SLC12A1: variants seen among roughly 807,000 people sequenced by gnomAD.
The protein encoded by SLC12A1 is solute carrier family 12 member 1.
Under a neutral mutation model 130.4 loss-of-function variants are expected in SLC12A1, and 89 were observed. That is an observed-to-expected ratio of 0.68 (90% CI 0.58 to 0.81). The LOEUF (loss-of-function observed/expected upper bound fraction) is 0.81. Ranked by LOEUF, SLC12A1 falls within the 40% of genes least tolerant of loss-of-function variation. The probability of loss-of-function intolerance (pLI) is 0.00; values close to 1 mark genes in which losing one functional copy is unlikely to be tolerated. For missense variants in SLC12A1, 1,310 were observed against 1,336.4 expected (o/e 0.98, Z 0.31); for synonymous variants, 499 against 460.0 (o/e 1.08, Z -1.09).
rs779945664 is a variant in SLC12A1 at position 48,269,690 on chromosome 15, T to C, written c.2328T>C (p.Thr776=). The change falls in exon 19 of 27, where the codon ACT becomes ACC. Residue 776 remains threonine, a synonymous_variant. Transcript: ENST00000380993. ...GCTTAGGAAGAATGAAACCAAACACTCTGGTGATTGGATATAAGAAAAACT... is the reference window on the plus strand; with the variant it reads ...GCTTAGGAAGAATGAAACCAAACACCCTGGTGATTGGATATAAGAAAAACT... ...ASGLGRMKPN[T]LVIGYKKNWR... The C allele has an allele frequency of 6.8e-6, 11 of 1,611,574 alleles. No individual in the cohort carries two copies. The South Asian group carries it at 1.2e-4, about 18-fold the overall frequency.
At chr15:48,295,212 A>G (rs1242288496) in intron 24 of SLC12A1, among the ~76,000 whole-genome samples, 2 of 151,732 alleles carry the variant, frequency 1.3e-5, no homozygotes, top group African/African-American at 4.8e-5. Flanking sequence ...ACCTGGCCTC[A>G]CCCACTTCTT....
intron 20 of SLC12A1, among the ~76,000 whole-genome samples, chr15:48,279,069 A>G (rs1328426147): frequency 6.6e-6 from 1 of 152,236 alleles, no homozygotes; most frequent in Non-Finnish European, 1.5e-5. Context: ...CCAACTATCT[A>G]GGGTAAACAA....
chr15:48,267,623 T>G lies in SLC12A1; in HGVS notation c.2217T>G (p.Leu739=), dbSNP rs2041846548. 1 of 1,613,488 alleles carries G rather than the reference T, an allele frequency of 6.2e-7. No individual in the cohort carries two copies. Among genetic ancestry groups the G allele is most frequent in the African/African-American group, 1.3e-5 (1 of 74,874 alleles). The change falls in exon 18 of 27, where the codon CTT becomes CTG. Residue 739 remains leucine, a synonymous_variant. Transcript: ENST00000380993. The part of the protein sequence containing the change: ...NSGMAKKQAW[L]IKNKIKAFYA... ...GCATGGCGAAAAAACAGGCCTGGCT[T>G]ATAAAGAACAAAATCAAGGCTTTTT...
At chr15:48,261,696 G>T (rs945104306) in intron 17 of SLC12A1, among the ~76,000 whole-genome samples, 2 of 152,186 alleles carry the variant, frequency 1.3e-5, no homozygotes, top group Non-Finnish European at 2.9e-5. Context: ...AAAGGACAAT[G>T]GTTGATGGTT....
intron 2 of SLC12A1, among the ~76,000 whole-genome samples, chr15:48,214,716 G>T (rs2041098285): frequency 6.6e-6 from 1 of 152,088 alleles, no homozygotes; most frequent in African/African-American, 2.4e-5. Flanking sequence ...GGAATCATCT[G>T]GTTCTTACTG....
intron 19 of SLC12A1, among the ~76,000 whole-genome samples, chr15:48,271,055 C>A (rs2041893488): frequency 6.6e-6 from 1 of 151,132 alleles, no homozygotes; most frequent in Admixed American, 6.6e-5. Context: ...GAAACCCCGT[C>A]TCTACTAAAA....
chr15:48,270,988 C>T (rs1279312309), intron 19 of SLC12A1, among the ~76,000 whole-genome samples: 1 of 150,698 alleles, frequency 6.6e-6, no homozygotes, highest in Non-Finnish European at 1.5e-5. Context: ...TTTTGGGAGG[C>T]CGAGGCGGGT....
intron 20 of SLC12A1, among the ~76,000 whole-genome samples, chr15:48,278,862 A>C (rs2041983218): frequency 6.6e-6 from 1 of 152,198 alleles, no homozygotes; most frequent in Non-Finnish European, 1.5e-5. Context: ...AAGATGCACC[A>C]TCAATTTACT....
chr15:48,269,051 G>A (rs981474474), intron 18 of SLC12A1, among the ~76,000 whole-genome samples: 1 of 152,160 alleles, frequency 6.6e-6, no homozygotes, highest in African/African-American at 2.4e-5. Flanking sequence ...CAATTCATAG[G>A]TGCTTAGTAA....
intron 16 of SLC12A1, 70 bp from the exon 17 acceptor site, chr15:48,259,130 C>G: frequency 1.0e-6 from 1 of 995,294 alleles, no homozygotes; most frequent in Non-Finnish European, 1.6e-6. Flanking sequence ...ACCTGTCATC[C>G]CACTGGAATG....
intron 6 of SLC12A1, among the ~76,000 whole-genome samples, chr15:48,230,100 A>G (rs991069420): frequency 1.3e-5 from 2 of 152,202 alleles, no homozygotes; most frequent in African/African-American, 2.4e-5. Flanking sequence ...TTCTTCTGAA[A>G]TAAAACACAA....
At chr15:48,252,679 G>A (rs1196981091) in intron 15 of SLC12A1, among the ~76,000 whole-genome samples, 1 of 151,694 alleles carries the variant, frequency 6.6e-6, no homozygotes, top group African/African-American at 2.4e-5. Flanking sequence ...TTTTTTAAAT[G>A]AATAAATAAA....
intron 21 of SLC12A1, among the ~76,000 whole-genome samples, chr15:48,286,890 T>G (rs1168963622): frequency 6.6e-6 from 1 of 152,176 alleles, no homozygotes; most frequent in Non-Finnish European, 1.5e-5. Flanking sequence ...CTTTGACTTG[T>G]CTGTAAGTGA....
chr15:48,221,291 A>T, intron 4 of SLC12A1: 1 of 700,172 alleles, frequency 1.4e-6, no homozygotes, highest in South Asian at 1.5e-5. Context: ...TTAGATAATA[A>T]TATTTGTATT....
intron 21 of SLC12A1, 121 bp downstream of exon 21, chr15:48,285,370 A>T (rs2078512196): frequency 2.3e-6 from 2 of 884,628 alleles, no homozygotes; most frequent in Non-Finnish European, 3.5e-6. Context: ...AGGAACTGAA[A>T]GGTTTCTCTC....
intron 2 of SLC12A1, among the ~76,000 whole-genome samples, chr15:48,216,670 T>G (rs1237093395): frequency 6.6e-6 from 1 of 152,194 alleles, no homozygotes; most frequent in Non-Finnish European, 1.5e-5. Flanking sequence ...CAATTTTTTT[T>G]AAAGTTTTTC....
At chr15:48,258,390 T>G (rs1331563268) in intron 16 of SLC12A1, among the ~76,000 whole-genome samples, 667 of 108,238 alleles carry the variant, frequency 6.2e-3, no homozygotes, top group Middle Eastern at 0.012. Context: ...AAAAAAAGAG[T>G]GACCTTTACT....
At chr15:48,221,181 A>G (rs1296794186) in intron 4 of SLC12A1, among the ~76,000 whole-genome samples, 185 bp downstream of exon 4, 1 of 152,246 alleles carries the variant, frequency 6.6e-6, no homozygotes, top group East Asian at 1.9e-4. Context: ...AACTCCTATG[A>G]AACTGGAATT....
intron 24 of SLC12A1, among the ~76,000 whole-genome samples, chr15:48,295,949 T>C (rs923973014): frequency 6.6e-6 from 1 of 152,218 alleles, no homozygotes; most frequent in Non-Finnish European, 1.5e-5. Flanking sequence ...TGGCCACTAG[T>C]AGCGCGTCTG....
Sources: gnomAD v4.1 joint callset for allele counts (sites outside exome capture counted in the v4.1 genomes callset) on GRCh38, gnomAD v4.1.1 for gene constraint, MANE v1.5 for transcripts, NCBI Gene and HGNC (gene_info 2026-07-23, HGNC 2026-07-21) for gene names.